Variants in PLXNA2 observed in about 807,000 individuals in gnomAD.
The protein encoded by PLXNA2 is plexin A2.
In PLXNA2, 91 loss-of-function variants were observed where a neutral mutation model predicts 193.5. The ratio of observed to expected loss-of-function variants is 0.47; its 90% CI spans 0.40 to 0.56. The LOEUF (loss-of-function observed/expected upper bound fraction) is 0.56. Among genes scored for constraint, PLXNA2 ranks in the 20% least tolerant of loss-of-function variants. The pLI, the probability that PLXNA2 is intolerant of heterozygous loss-of-function variation, is 0.00. For missense variants in PLXNA2, 1,995 were observed against 2,503.2 expected, an observed-to-expected ratio of 0.80 and a Z score of 4.33; for synonymous variants, 997 against 1,027.3, an observed-to-expected ratio of 0.97 and a Z score of 0.56.
intron 3 of PLXNA2, among the ~76,000 whole-genome samples, chr1:208,181,678 G>A (rs1305630616): frequency 1.3e-5 from 2 of 152,156 alleles, no homozygotes; most frequent in Non-Finnish European, 2.9e-5. Context: ...TCTCACCCCT[G>A]CTCTCTGGCA....
chr1:208,187,414 G>A (rs995765027), intron 3 of PLXNA2, among the ~76,000 whole-genome samples: 5 of 152,174 alleles, frequency 3.3e-5, no homozygotes, highest in Non-Finnish European at 7.3e-5. Flanking sequence ...GAGAGAGACC[G>A]TAGGGAGGCT....
At chr1:208,162,000 C>A (rs1424940386) in intron 3 of PLXNA2, among the ~76,000 whole-genome samples, 1 of 152,162 alleles carries the variant, frequency 6.6e-6, no homozygotes. Context: ...CAGGAGCCAG[C>A]CTGTGTGTGC....
At chr1:208,240,917 G>A (rs989730322) in intron 1 of PLXNA2, among the ~76,000 whole-genome samples, 1 of 151,998 alleles carries the variant, frequency 6.6e-6, no homozygotes, top group Non-Finnish European at 1.5e-5. Context: ...CTGGAGACAG[G>A]AATTGCCTCC....
At chr1:208,172,705 T>C (rs923860665) in intron 3 of PLXNA2, among the ~76,000 whole-genome samples, 1 of 152,178 alleles carries the variant, frequency 6.6e-6, no homozygotes, top group Non-Finnish European at 1.5e-5. Context: ...ACTATCCATC[T>C]TGGCAGAAGG....
chr1:208,074,933 G>GGCCTC (rs1666099656), intron 12 of PLXNA2, among the ~76,000 whole-genome samples: 1 of 152,180 alleles, frequency 6.6e-6, no homozygotes, highest in South Asian at 2.1e-4. Context: ...AAAGGGTATG[G>GGCCTC]GCCTCATGGA....
In PLXNA2 at chr1:208,143,440, G is replaced by A. The variant is rs555013941; in HGVS notation, c.1372-977C>T. On this transcript the variant is annotated intron_variant, in intron 3 of 31. Transcript: ENST00000367033. Reference sequence around the variant, plus strand: ...TGATGCTGATGCTGTTACTATAAGGGTTTGAAAAGTACTATCTAGGCCCTT... The same window carrying A: ...TGATGCTGATGCTGTTACTATAAGGATTTGAAAAGTACTATCTAGGCCCTT... Among the ~76,000 whole-genome samples the A allele has an allele frequency of 7.2e-5, 11 of 152,306 alleles. No homozygotes were observed. The East Asian group carries it at 1.9e-3, about 27-fold the overall frequency.
Position 208,210,362 on chromosome 1 carries a change from T to C in PLXNA2, c.1289A>G (p.Asp430Gly). ...EGLTLYTTSR[D>G]RMTSVASYVY... ...GTAGGAGGCCACAGAGGTCATGCGG[T>C]CCCTGCTGGTGGTGTACAGGGTCAG... The change falls in exon 3 of 32, where the codon GAC (aspartate) becomes GGC (glycine). Residue 430 changes from aspartate (D) to glycine (G), a missense_variant. This residue lies in a region of PLXNA2 where 702 missense variants were observed against 812.9 expected (regional missense o/e 0.86). Coordinates refer to ENST00000367033, the MANE Select transcript of PLXNA2 (RefSeq NM_025179.4). The C allele has an allele frequency of 6.2e-7, 1 of 1,614,062 alleles. No homozygotes were observed. Among genetic ancestry groups the C allele is most frequent in the Non-Finnish European group, 8.5e-7 (1 of 1,180,016 alleles).
chr1:208,049,535 G>T (rs1442774535), intron 17 of PLXNA2, among the ~76,000 whole-genome samples: 4 of 152,170 alleles, frequency 2.6e-5, no homozygotes, highest in African/African-American at 4.8e-5. Flanking sequence ...TACTGAAGGT[G>T]TGGTACAAGT....
chr1:208,226,838 G>A (rs1206440421), intron 1 of PLXNA2, among the ~76,000 whole-genome samples: 1 of 152,228 alleles, frequency 6.6e-6, no homozygotes, highest in Non-Finnish European at 1.5e-5. Flanking sequence ...CCCCCTTTGG[G>A]GGAGGGTCAG....
intron 12 of PLXNA2, among the ~76,000 whole-genome samples, chr1:208,073,087 T>A (rs1421797680): frequency 6.6e-6 from 1 of 152,124 alleles, no homozygotes; most frequent in East Asian, 1.9e-4. Context: ...AACTCTTAAG[T>A]GAAGATAATA....
chr1:208,054,627 T>A, intron 13 of PLXNA2, 89 bp from the exon 14 acceptor site: 1 of 887,578 alleles, frequency 1.1e-6, no homozygotes, highest in African/African-American at 1.6e-5. Flanking sequence ...AAATGACTCA[T>A]CACAGTCTTG....
chr1:208,083,135 C>A (rs1230400436), intron 10 of PLXNA2, among the ~76,000 whole-genome samples: 2 of 152,162 alleles, frequency 1.3e-5, no homozygotes, highest in East Asian at 3.9e-4. Flanking sequence ...TCCGCACGAG[C>A]CTTACTTTAG....
intron 3 of PLXNA2, among the ~76,000 whole-genome samples, chr1:208,200,793 A>G (rs571049633): frequency 2.0e-5 from 3 of 151,038 alleles, no homozygotes; most frequent in African/African-American, 4.9e-5. Flanking sequence ...TTTAGTAGAG[A>G]CGGAGTTTCG....
Position 208,198,835 on chromosome 1 carries a change from G to A in PLXNA2, c.1371+11445C>T, listed in dbSNP as rs568972108. Among the ~76,000 whole-genome samples, 21 of 152,316 alleles carry A rather than the reference G, an allele frequency of 1.4e-4. 1 individual carries two copies. The South Asian group carries it at 4.4e-3, about 32-fold the overall frequency. On this transcript the variant is annotated intron_variant, in intron 3 of 31. Transcript: ENST00000367033. ...AAAAGCACAGGTCTGGAGTCAGAGA[G>A]CTCTGGATTCAAATCCCAGCTCTCC... is the stretch of plus-strand genomic sequence containing the variant.
rs368056918 is a variant in PLXNA2, at chr1:208,186,708, A to ATTTTGTTTTTTGTTTTTTGTTTTTTTTT, written c.1371+23571_1371+23572insAAAAAAAAACAAAAAACAAAAAACAAAA. ...GGGCTGTCCTGGGAATTGCAATGTT[A>ATTTTGTTTTTTGTTTTTTGTTTTTTTTT]TTTTATTTTTTTTTTTTTTTTTGAG... On this transcript the variant is annotated intron_variant, in intron 3 of 31. Coordinates refer to ENST00000367033, the MANE Select transcript of PLXNA2 (RefSeq NM_025179.4). Among the ~76,000 whole-genome samples, 120 of 111,696 alleles carry ATTTTGTTTTTTGTTTTTTGTTTTTTTTT rather than the reference A, an allele frequency of 1.1e-3. 5 individuals carry two copies. Among genetic ancestry groups the ATTTTGTTTTTTGTTTTTTGTTTTTTTTT allele is most frequent in the East Asian group, 2.5e-3 (7 of 2,790 alleles). 73.3% of individuals were successfully genotyped at this position (111,696 alleles called of 152,430 possible). A position where few individuals can be genotyped will look rare whatever the true frequency, so the allele number is the denominator to read the frequency against.
chr1:208,150,408 C>A (rs1350868275), intron 3 of PLXNA2, among the ~76,000 whole-genome samples: 3 of 152,152 alleles, frequency 2.0e-5, no homozygotes, highest in African/African-American at 4.8e-5. Flanking sequence ...TTTCAGGGGG[C>A]CAGGCCATGG....
Position 208,236,551 on chromosome 1 carries a change from C to A in PLXNA2, c.-81+7092G>T, listed in dbSNP as rs1671859584. On this transcript the variant is annotated intron_variant, in intron 1 of 31. Transcript: ENST00000367033. This position sits in a 1 kb window ranked among gnomAD's most constrained non-coding sequence, Gnocchi z 4.4. The stretch of plus-strand genomic sequence containing the variant: ...GCCTGGCCGGCTGCTCCCTCTAACC[C>A]CTGCTCAAAGGTAAAAAGACCTGCC... 6.6e-6 allele frequency among the ~76,000 whole-genome samples: 1 copy of A among 152,310 alleles called. No homozygotes were observed. The highest frequency in any genetic ancestry group is 2.1e-4 in the South Asian group (1 of 4,824).
intron 9 of PLXNA2, among the ~76,000 whole-genome samples, chr1:208,090,572 C>T (rs1307392263): frequency 6.6e-6 from 1 of 152,158 alleles, no homozygotes; most frequent in East Asian, 1.9e-4. Flanking sequence ...CACACACACC[C>T]CAGCAGAGTT....
At chr1:208,199,442 C>T (rs1558240491) in intron 3 of PLXNA2, among the ~76,000 whole-genome samples, 1 of 152,158 alleles carries the variant, frequency 6.6e-6, no homozygotes, top group Non-Finnish European at 1.5e-5. Context: ...CCTGTAATCC[C>T]AGCACTTTGG....
Sources: allele counts gnomAD v4.1 joint callset (sites outside exome capture counted in the v4.1 genomes callset), GRCh38; gene constraint gnomAD v4.1.1; regional missense constraint gnomAD v4.1.1; non-coding constraint Gnocchi (gnomAD v3.1); transcripts MANE v1.5; gene names NCBI Gene and HGNC (gene_info 2026-07-23, HGNC 2026-07-21).